PAN3: variants seen among roughly 807,000 people sequenced by gnomAD.
The protein encoded by PAN3 is poly(A) specific ribonuclease subunit PAN3.
In PAN3, 19 loss-of-function variants were observed where a neutral mutation model predicts 96.2. That is an observed-to-expected ratio of 0.20 (90% confidence interval 0.14 to 0.29). PAN3 has a LOEUF of 0.29. Ranked by LOEUF, PAN3 falls within the 10% of genes least tolerant of loss-of-function variation. PAN3 has a pLI of 1.00. For synonymous variants in PAN3, 433 were observed against 406.6 expected (o/e 1.06, Z -0.78); for missense variants, 882 against 1,108.1 (o/e 0.80, Z 2.90).
At chr13:28,187,270 C>T (rs141366956) in intron 4 of PAN3, among the ~76,000 whole-genome samples, 78 of 151,976 alleles carry the variant, frequency 5.1e-4, no homozygotes, top group Non-Finnish European at 9.3e-4. Context: ...GAGGTTGCAG[C>T]GAGCCGTGTT....
intron 6 of PAN3, among the ~76,000 whole-genome samples, chr13:28,254,681 A>G (rs1283102965): frequency 6.6e-6 from 1 of 152,042 alleles, no homozygotes; most frequent in Non-Finnish European, 1.5e-5. Flanking sequence ...AAAGGTTTAT[A>G]TAAATATAGT....
chr13:28,225,654 C>G (rs949593850), intron 6 of PAN3, among the ~76,000 whole-genome samples: 3 of 152,160 alleles, frequency 2.0e-5, no homozygotes, highest in Admixed American at 2.0e-4. Context: ...TACATTTTAA[C>G]AATTTGAATA....
At chr13:28,245,073 T>C (rs1884048159) in intron 6 of PAN3, among the ~76,000 whole-genome samples, 1 of 152,166 alleles carries the variant, frequency 6.6e-6, no homozygotes, top group South Asian at 2.1e-4. Context: ...AGTCTTGAAC[T>C]CCTGACCTCA....
intron 18 of PAN3, among the ~76,000 whole-genome samples, chr13:28,291,243 G>A (rs1254651399): frequency 2.6e-5 from 4 of 152,074 alleles, no homozygotes; most frequent in African/African-American, 9.7e-5. Flanking sequence ...ATATTTTAAT[G>A]AATTATGTAT....
At chr13:28,285,434 TTTTGTTTG>T (rs575683286) in intron 17 of PAN3, among the ~76,000 whole-genome samples, 10 of 151,912 alleles carry the variant, frequency 6.6e-5, no homozygotes, top group East Asian at 3.9e-4. Flanking sequence ...AGCTTTTGGG[TTTTGTTTG>T]TTTGTTTGTT....
At chr13:28,189,457 A>C (rs1359949670) in intron 4 of PAN3, among the ~76,000 whole-genome samples, 1 of 152,084 alleles carries the variant, frequency 6.6e-6, no homozygotes, top group African/African-American at 2.4e-5. Context: ...CAGAGGTTGC[A>C]GTGAGCCGAG....
chr13:28,260,636 CAT>C (rs1287342930), intron 8 of PAN3, 85 bp downstream of exon 8: 27 of 1,102,866 alleles, frequency 2.4e-5, no homozygotes, highest in Non-Finnish European at 3.4e-5. Context: ...CTTTTCAAAT[CAT>C]ATTATTTAAT....
chr13:28,232,487 AAT>A (rs1882679130), intron 6 of PAN3: 1 of 152,160 alleles, frequency 6.6e-6, no homozygotes, highest in African/African-American at 2.4e-5. Context: ...AAAAAAAAAA[AAT>A]CTTTGAAATG....
Position 28,190,884 on chromosome 13 carries a change from G to C in PAN3, c.691-6301G>C, listed in dbSNP as rs183042805. Among the ~76,000 whole-genome samples, 34 of 152,338 alleles carry C rather than the reference G, an allele frequency of 2.2e-4. No individual in the cohort carries two copies. The East Asian group carries it at 2.5e-3, about 11-fold the overall frequency. ...ACAGCCAAACTATATCAAGGGGATT[G>C]GGAATTTTGTTATACAATGTTAACT... On this transcript the variant is annotated intron_variant, in intron 4 of 18. Transcript: ENST00000380958.
chr13:28,175,370 C>T (rs1874835501), intron 2 of PAN3, among the ~76,000 whole-genome samples: 1 of 152,202 alleles, frequency 6.6e-6, no homozygotes, highest in East Asian at 1.9e-4. Context: ...TTGCCTCAGC[C>T]TCCTGAGTAG....
chr13:28,212,059 C>T (rs1024575640), intron 5 of PAN3, among the ~76,000 whole-genome samples: 2 of 152,164 alleles, frequency 1.3e-5, no homozygotes, highest in African/African-American at 2.4e-5. Flanking sequence ...CAAGGGATCC[C>T]TCTTGAATCT....
chr13:28,289,341 T>C (rs1345650796), intron 18 of PAN3, among the ~76,000 whole-genome samples: 1 of 152,110 alleles, frequency 6.6e-6, no homozygotes, highest in Non-Finnish European at 1.5e-5. Context: ...GTCGCACTTA[T>C]GGCTCACTGC....
chr13:28,154,214 T>C (rs945970648), intron 1 of PAN3, among the ~76,000 whole-genome samples: 2 of 152,240 alleles, frequency 1.3e-5, no homozygotes, highest in African/African-American at 4.8e-5. Flanking sequence ...TACCAGAGTC[T>C]TACTGCACTG....
chr13:28,280,555 ATT>A lies in PAN3; in HGVS notation c.2319+37_2319+38del, dbSNP rs35542876. ...GACCTTGCAAAGGTAAAGAGTGTAA[ATT>A]TTTTTTTTTTTTTTTTTTTTTTGAG... On this transcript the variant is annotated intron_variant, in intron 16 of 18. Coordinates refer to ENST00000380958, the MANE Select transcript of PAN3 (RefSeq NM_175854.8). 19,326 of 1,120,744 alleles carry A rather than the reference ATT, an allele frequency of 0.017. No individual in the cohort carries two copies. The highest frequency in any genetic ancestry group is 0.043 in the East Asian group (1,309 of 30,134). The allele number at this position is 1,120,744 out of a possible 1,614,324, so 69.4% of individuals were successfully genotyped here.
chr13:28,288,783 C>A (rs888000925), intron 18 of PAN3, among the ~76,000 whole-genome samples: 25 of 150,504 alleles, frequency 1.7e-4, no homozygotes, highest in Non-Finnish European at 3.4e-4. Context: ...CCTTCCGAAT[C>A]ATTGTGAGTT....
intron 9 of PAN3, among the ~76,000 whole-genome samples, chr13:28,266,390 C>T (rs985650401): frequency 2.0e-5 from 3 of 151,868 alleles, no homozygotes; most frequent in African/African-American, 7.3e-5. Flanking sequence ...AATGTTTGCT[C>T]CAGAAAAATT....
At chr13:28,173,083 T>C (rs1041820416) in intron 1 of PAN3, among the ~76,000 whole-genome samples, 3 of 152,262 alleles carry the variant, frequency 2.0e-5, no homozygotes, top group East Asian at 3.9e-4. Context: ...CAGCTATACA[T>C]TGTTAAGCTG....
intron 17 of PAN3, among the ~76,000 whole-genome samples, chr13:28,283,037 G>C (rs1868484565): frequency 6.6e-6 from 1 of 151,598 alleles, no homozygotes; most frequent in Non-Finnish European, 1.5e-5. Context: ...ATTCTAGATT[G>C]TCCTCAGAAA....
In PAN3 at chr13:28,263,029, T is replaced by A. The variant is rs533056611; in HGVS notation, c.1411+1571T>A. 3.3e-5 allele frequency among the ~76,000 whole-genome samples: 5 copies of A among 152,354 alleles called. No individual in the cohort carries two copies. In the East Asian group the frequency reaches 9.6e-4, roughly 29 times the overall value. The stretch of plus-strand genomic sequence containing the variant: ...ATCCAGTAGAATTCCAGTCAAAGCA[T>A]AACTTCCAGTCAAATCTTTTCATGG... On this transcript the variant is annotated intron_variant, in intron 9 of 18. Coordinates refer to ENST00000380958, the MANE Select transcript of PAN3 (RefSeq NM_175854.8).
Sources: gnomAD v4.1 joint callset for allele counts (sites outside exome capture counted in the v4.1 genomes callset) on GRCh38, gnomAD v4.1.1 for gene constraint, MANE v1.5 for transcripts, NCBI Gene and HGNC (gene_info 2026-07-23, HGNC 2026-07-21) for gene names.